CACNA2D3: variants seen among roughly 807,000 people sequenced by gnomAD.
The protein encoded by CACNA2D3 is voltage-dependent calcium channel subunit alpha-2/delta-3.
CACNA2D3 carries 60 observed loss-of-function variants against 160.6 expected under a neutral mutation model. The observed-to-expected ratio is 0.37, with a 90% CI of 0.30 to 0.46. The LOEUF (loss-of-function observed/expected upper bound fraction) is 0.46. CACNA2D3 is among the 20% of genes least tolerant of loss of function. The pLI is 1.00. For missense variants in CACNA2D3, 1,205 were observed against 1,365.0 expected (o/e 0.88, Z 1.85); for synonymous variants, 558 against 492.9 (o/e 1.13, Z -1.75).
At chr3:54,694,636 A>G (rs1422156399) in intron 11 of CACNA2D3, among the ~76,000 whole-genome samples, 1 of 152,158 alleles carries the variant, frequency 6.6e-6, no homozygotes. Context: ...TTTGCATTCA[A>G]CATACTCAAA....
At chr3:54,500,757 T>A (rs974823786) in intron 4 of CACNA2D3, among the ~76,000 whole-genome samples, 8 of 152,148 alleles carry the variant, frequency 5.3e-5, no homozygotes. Flanking sequence ...GTTTGCTGTA[T>A]GCATTTACAA....
intron 2 of CACNA2D3, among the ~76,000 whole-genome samples, chr3:54,285,484 G>A (rs1702991832): frequency 6.6e-6 from 1 of 152,216 alleles, no homozygotes. Context: ...GCCTGCCTCT[G>A]TAGGCTCCAC....
intron 11 of CACNA2D3, among the ~76,000 whole-genome samples, chr3:54,731,836 G>C (rs944678775): frequency 4.6e-5 from 7 of 151,998 alleles, no homozygotes; most frequent in African/African-American, 1.2e-4. Context: ...CAGGTATTTA[G>C]ACGAACACTT....
intron 35 of CACNA2D3, among the ~76,000 whole-genome samples, chr3:55,068,623 TACA>T: frequency 6.6e-6 from 1 of 152,352 alleles, no homozygotes; most frequent in South Asian, 2.1e-4. Context: ...CGTATAGTTT[TACA>T]ACATTATTTT....
intron 2 of CACNA2D3, among the ~76,000 whole-genome samples, chr3:54,249,224 C>T (rs1049880352): frequency 3.3e-5 from 5 of 152,084 alleles, no homozygotes; most frequent in African/African-American, 1.2e-4. Context: ...TACAGAGATG[C>T]GTGCGGGTGC....
chr3:54,586,834 G>A (rs2106748556), intron 9 of CACNA2D3, among the ~76,000 whole-genome samples: 1 of 151,978 alleles, frequency 6.6e-6, no homozygotes, highest in East Asian at 1.9e-4. Context: ...TGATGAAAAT[G>A]GAATAGAACA....
chr3:54,963,532 TTAAA>T (rs1036100778), intron 27 of CACNA2D3, among the ~76,000 whole-genome samples: 11 of 152,220 alleles, frequency 7.2e-5, no homozygotes, highest in Non-Finnish European at 1.5e-4. Flanking sequence ...TAATTTTTAT[TTAAA>T]TAGCCACATG....
intron 4 of CACNA2D3, among the ~76,000 whole-genome samples, chr3:54,491,695 C>T (rs748088789): frequency 3.9e-5 from 6 of 152,172 alleles, no homozygotes; most frequent in Admixed American, 2.0e-4. Context: ...GGAACACAGC[C>T]ACACCCATTT....
intron 31 of CACNA2D3, among the ~76,000 whole-genome samples, chr3:54,991,224 ATTT>A (rs72441718): frequency 1.4e-5 from 2 of 138,702 alleles, no homozygotes; most frequent in Non-Finnish European, 1.6e-5. Flanking sequence ...AGTGTCGAGT[ATTT>A]TTTTTTTTTT....
At chr3:54,558,535 C>T (rs28664197) in intron 5 of CACNA2D3, among the ~76,000 whole-genome samples, 1 of 151,898 alleles carries the variant, frequency 6.6e-6, no homozygotes, top group African/African-American at 2.4e-5. Context: ...AGCATAGTAC[C>T]CAATTGGTAG....
intron 2 of CACNA2D3, among the ~76,000 whole-genome samples, chr3:54,180,479 T>G (rs1367488339): frequency 6.6e-6 from 1 of 152,152 alleles, no homozygotes; most frequent in Admixed American, 6.5e-5. Context: ...TCAGCCCAGC[T>G]CCCATAGCCA....
intron 11 of CACNA2D3, among the ~76,000 whole-genome samples, chr3:54,745,067 G>A (rs1701728652): frequency 6.6e-6 from 1 of 152,238 alleles, no homozygotes; most frequent in Non-Finnish European, 1.5e-5. Flanking sequence ...TGTCATGAAG[G>A]AAGAAGTATA....
chr3:54,752,776 A>G lies in CACNA2D3; in HGVS notation c.1246+99A>G, dbSNP rs73074112. On this transcript the variant is annotated intron_variant, in intron 12 of 37. Coordinates refer to ENST00000474759, the MANE Select transcript of CACNA2D3 (RefSeq NM_018398.3). ...AGTAGAGAGTTCTAATAATTCTAAG[A>G]TAAAGTCTGGGTATATCTAAGTGAT... 6,951 of 849,170 alleles carry G rather than the reference A, an allele frequency of 8.2e-3. 45 individuals are homozygous for G. The highest frequency in any genetic ancestry group is 0.011 in the Non-Finnish European group (5,683 of 512,994). 52.6% of individuals were successfully genotyped at this position (849,170 alleles called of 1,614,324 possible).
intron 2 of CACNA2D3, among the ~76,000 whole-genome samples, chr3:54,150,081 A>G (rs1700118626): frequency 6.6e-6 from 1 of 151,204 alleles, no homozygotes; most frequent in African/African-American, 2.4e-5. Context: ...CTAGTAACAG[A>G]TTTGACCTTC....
At chr3:54,153,057 GAGA>G (rs1700180612) in intron 2 of CACNA2D3, among the ~76,000 whole-genome samples, 1 of 152,314 alleles carries the variant, frequency 6.6e-6, no homozygotes, top group African/African-American at 2.4e-5. Context: ...TCTCTTTTTG[GAGA>G]AGAATGCAAA....
chr3:54,765,266 C>T (rs1177078550), intron 13 of CACNA2D3, among the ~76,000 whole-genome samples: 3 of 152,110 alleles, frequency 2.0e-5, no homozygotes, highest in Non-Finnish European at 2.9e-5. Flanking sequence ...TTTCAGGGGA[C>T]ACCATGACAC....
At chr3:54,291,784 G>T (rs975596336) in intron 2 of CACNA2D3, among the ~76,000 whole-genome samples, 1 of 152,192 alleles carries the variant, frequency 6.6e-6, no homozygotes, top group South Asian at 2.1e-4. Flanking sequence ...GTGCTGAACA[G>T]ATTCGAAGTG....
At chr3:54,718,138 C>A (rs1454196193) in intron 11 of CACNA2D3, among the ~76,000 whole-genome samples, 1 of 152,134 alleles carries the variant, frequency 6.6e-6, no homozygotes, top group Non-Finnish European at 1.5e-5. Context: ...CCAGATACCA[C>A]TCCTTTACTG....
In CACNA2D3 at chr3:54,141,094, C is replaced by CGCGCGCGCGCACGT. The variant is rs768348036; in HGVS notation, c.204+17505_204+17506insCGCGCACGTGCGCG. Among the ~76,000 whole-genome samples, 588 of 81,908 alleles carry CGCGCGCGCGCACGT rather than the reference C, an allele frequency of 7.2e-3. 6 individuals carry two copies. In the East Asian group the frequency reaches 0.083, roughly 12 times the overall value. 53.7% of individuals were successfully genotyped at this position (81,908 alleles called of 152,430 possible). A position where few individuals can be genotyped will look rare whatever the true frequency, so the allele number is the denominator to read the frequency against. ...GTGTGTGTGTGTGTGTGTGCGCGCG[C>CGCGCGCGCGCACGT]GCGCGTGTGTGCATGCATGCCTGAG... On this transcript the variant is annotated intron_variant, in intron 2 of 37. Transcript: ENST00000474759.
Sources: allele counts gnomAD v4.1 joint callset (sites outside exome capture counted in the v4.1 genomes callset), GRCh38; gene constraint gnomAD v4.1.1; transcripts MANE v1.5; gene names NCBI Gene and HGNC (gene_info 2026-07-23, HGNC 2026-07-21).